The following GGA2 variants were observed in gnomAD, a reference collection of about 807,000 sequenced individuals.
The protein encoded by GGA2 is ADP-ribosylation factor-binding protein GGA2.
A neutral mutation model predicts 79.5 loss-of-function variants in GGA2; 48 were observed. That is an observed-to-expected ratio of 0.60 (90% CI 0.48 to 0.77). The LOEUF (loss-of-function observed/expected upper bound fraction) is 0.77, where lower values mean the gene tolerates loss of function less well. Ranked by LOEUF, GGA2 falls within the 30% of genes least tolerant of loss-of-function variation. The pLI is 0.00. For synonymous variants in GGA2, 317 were observed against 302.0 expected (o/e 1.05, Z -0.51); for missense variants, 770 against 774.0 (o/e 0.99, Z 0.06).
At chr16:23,502,932 T>C (rs761522138) in intron 1 of GGA2, among the ~76,000 whole-genome samples, 11 of 152,206 alleles carry the variant, frequency 7.2e-5, no homozygotes, top group Non-Finnish European at 1.0e-4. Flanking sequence ...AGATGTCAGA[T>C]TAAGTTTTTG....
Position 23,465,698 on chromosome 16 carries a change from T to G in GGA2, c.*1892A>C. ...GCTCACGCCTGTAATCCCAGCACTC[T>G]GGGAGGCCAAGGCAGGCGGATCACC... On this transcript the variant is annotated 3_prime_UTR_variant, in exon 17 of 17. Transcript: ENST00000309859. 3.1e-6 allele frequency: 1 copy of G among 323,072 alleles called. No individual in the cohort carries two copies. The highest frequency in any genetic ancestry group is 5.7e-6 in the Non-Finnish European group (1 of 174,276). The allele number at this position is 323,072 out of a possible 1,614,324, so 20.0% of individuals were successfully genotyped here.
At chr16:23,524,193 G>A (rs1282875475), upstream of GGA2, 3 of 649,632 alleles carry the variant, frequency 4.6e-6, no homozygotes, top group East Asian at 7.9e-5. Context: ...CCAGCCAATT[G>A]ACAAAAACGT....
chr16:23,468,240 C>T (rs1964466621), intron 16 of GGA2, among the ~76,000 whole-genome samples: 1 of 152,072 alleles, frequency 6.6e-6, no homozygotes. Context: ...TGCAGTGGTG[C>T]GATCTTGGCT....
At chr16:23,494,597 G>A (rs1215263506) in intron 2 of GGA2, among the ~76,000 whole-genome samples, 1 of 152,142 alleles carries the variant, frequency 6.6e-6, no homozygotes, top group Non-Finnish European at 1.5e-5. Flanking sequence ...TCCTGCCCAG[G>A]GCACACTGCC....
At chr16:23,523,008 G>A (rs936304635), upstream of GGA2, 1 of 152,186 alleles carries the variant, frequency 6.6e-6, no homozygotes, top group Non-Finnish European at 1.5e-5. Context: ...CAAAGTAAGC[G>A]ATCAAAGAAA....
At chr16:23,497,597 A>AC (rs879602145) in intron 1 of GGA2, among the ~76,000 whole-genome samples, 1 of 151,740 alleles carries the variant, frequency 6.6e-6, no homozygotes, top group African/African-American at 2.4e-5. Context: ...TCTCCTCCCC[A>AC]CCCCCGCAAA....
At chr16:23,479,061 T>C in intron 11 of GGA2, 150 bp from the exon 12 acceptor site, 1 of 664,348 alleles carries the variant, frequency 1.5e-6, no homozygotes, top group Non-Finnish European at 2.8e-6. Context: ...CCATGGCCAA[T>C]CTGTGACTAA....
intron 8 of GGA2, 34 bp downstream of exon 8, chr16:23,485,981 A>T: frequency 1.9e-6 from 3 of 1,599,260 alleles, no homozygotes; most frequent in Non-Finnish European, 2.6e-6. Flanking sequence ...ACTTTAGTAA[A>T]CATGTGCAGC....
Position 23,465,594 on chromosome 16 carries a change from G to A in GGA2, c.*1996C>T. On this transcript the variant is annotated 3_prime_UTR_variant, in exon 17 of 17. Transcript: ENST00000309859. ...CCAAAACCCTTCAGAGGGAGATGCT[G>A]TCATTATGATGGGTACCTCTTCAAG... The A allele has an allele frequency of 5.0e-6, 3 of 601,112 alleles. No homozygotes were observed. The highest frequency in any genetic ancestry group is 8.9e-6 in the Non-Finnish European group (3 of 336,004). The allele number at this position is 601,112 out of a possible 1,614,324, so 37.2% of individuals were successfully genotyped here.
intron 14 of GGA2, among the ~76,000 whole-genome samples, chr16:23,471,205 C>T (rs1244384218): frequency 1.3e-5 from 2 of 152,014 alleles, no homozygotes; most frequent in African/African-American, 2.4e-5. Context: ...TATATGAGTA[C>T]AAACACACAC....
At chr16:23,488,984 C>T (rs1964749547) in intron 5 of GGA2, among the ~76,000 whole-genome samples, 2 of 152,172 alleles carry the variant, frequency 1.3e-5, no homozygotes, top group South Asian at 2.1e-4. Context: ...GCTGTAAAAG[C>T]ATGGATCAGT....
chr16:23,496,668 A>C (rs1468982218), intron 1 of GGA2, among the ~76,000 whole-genome samples: 2 of 152,102 alleles, frequency 1.3e-5, no homozygotes, highest in Non-Finnish European at 2.9e-5. Flanking sequence ...AAATTTTAAA[A>C]AATTAAGACC....
At chr16:23,507,615 A>C (rs1964987724) in intron 1 of GGA2, among the ~76,000 whole-genome samples, 1 of 147,578 alleles carries the variant, frequency 6.8e-6, no homozygotes, top group Admixed American at 6.8e-5. Context: ...ACAAGAATGA[A>C]ACTCCATCTC....
intron 1 of GGA2, among the ~76,000 whole-genome samples, chr16:23,505,338 C>T (rs1351200019): frequency 6.6e-6 from 1 of 152,146 alleles, no homozygotes; most frequent in Non-Finnish European, 1.5e-5. Flanking sequence ...GGACTGAGTG[C>T]TGTTTTTAAT....
chr16:23,501,222 T>C, intron 1 of GGA2: 1 of 450,090 alleles, frequency 2.2e-6, no homozygotes, highest in Non-Finnish European at 4.5e-6. Context: ...TGTGCAATCG[T>C]AGCTTTGGTG....
chr16:23,494,386 G>C lies in GGA2; in HGVS notation c.177-8C>G. On this transcript the variant is annotated splice_polypyrimidine_tract_variant and splice_region_variant and intron_variant, in intron 2 of 16. Coordinates refer to ENST00000309859, the MANE Select transcript of GGA2 (RefSeq NM_015044.4). ...CAGGGCGCATGTGTGGGGCTACAGG[G>C]AAACAAAAAGACCTAGACTCTGGGC... 6.3e-7 allele frequency: 1 copy of C among 1,588,240 alleles called. No homozygotes were observed. Among genetic ancestry groups the C allele is most frequent in the South Asian group, 1.1e-5 (1 of 90,644 alleles).
rs1965014750 is a variant in GGA2 at position 23,509,764 on chromosome 16, AC to A, written c.91+556del. 1.2e-4 allele frequency among the ~76,000 whole-genome samples: 18 copies of A among 149,794 alleles called. 1 individual carries two copies. The highest frequency in any genetic ancestry group is 4.4e-4 in the African/African-American group (18 of 40,936). On this transcript the variant is annotated intron_variant, in intron 1 of 16. Coordinates refer to ENST00000309859, the MANE Select transcript of GGA2 (RefSeq NM_015044.4). ...AACACACATATATATATATACGCAC[AC>A]ACACACACACGTGTGTGTGTGTTTA...
Position 23,510,458 on chromosome 16 carries a change from C to G in GGA2, c.-47G>C. The stretch of plus-strand genomic sequence containing the variant: ...GCCGCGGGCGCCACTGCCTCTTCAG[C>G]CGCTGTAGCGTCCTGGCGCTCTCCT... On this transcript the variant is annotated 5_prime_UTR_variant, in exon 1 of 17. Transcript: ENST00000309859. The G allele has an allele frequency of 1.3e-6, 1 of 745,144 alleles. No individual in the cohort carries two copies. The highest frequency in any genetic ancestry group is 1.9e-6 in the Non-Finnish European group (1 of 528,214). The allele number at this position is 745,144 out of a possible 1,614,324, so 46.2% of individuals were successfully genotyped here.
chr16:23,497,445 C>A (rs560582752), intron 1 of GGA2, among the ~76,000 whole-genome samples: 2 of 152,238 alleles, frequency 1.3e-5, no homozygotes, highest in South Asian at 2.1e-4. Flanking sequence ...TGACTGCAGT[C>A]ACATTTATGT....
Sources: gnomAD v4.1 joint callset for allele counts (sites outside exome capture counted in the v4.1 genomes callset) on GRCh38, gnomAD v4.1.1 for gene constraint, MANE v1.5 for transcripts, NCBI Gene and HGNC (gene_info 2026-07-23, HGNC 2026-07-21) for gene names.